The following WDR3 variants were observed in gnomAD, a reference collection of about 807,000 sequenced individuals.
The protein encoded by WDR3 is WD repeat-containing protein 3.
WDR3 carries 81 observed loss-of-function variants against 123.7 expected under a neutral mutation model. The ratio of observed to expected loss-of-function variants is 0.65; its 90% CI spans 0.55 to 0.79. WDR3 has a LOEUF of 0.79. Among genes scored for constraint, WDR3 ranks in the 30% least tolerant of loss-of-function variants. WDR3 has a pLI of 0.00. For missense variants in WDR3, 1,027 were observed against 1,123.2 expected (o/e 0.91, Z 1.22); for synonymous variants, 390 against 388.8 (o/e 1.00, Z -0.04).
Position 117,941,848 on chromosome 1 carries a change from G to T in WDR3, c.989+1G>T. ...TGAAGAAAGCTAGAAAGAAAGCAAAGTATGTTTTCTTAATACTTACATTAA... is the reference window on the plus strand; with the variant it reads ...TGAAGAAAGCTAGAAAGAAAGCAAATTATGTTTTCTTAATACTTACATTAA... On this transcript the variant is annotated splice_donor_variant, in intron 9 of 26. Transcript: ENST00000349139. LOFTEE classifies it high-confidence loss of function. The T allele has an allele frequency of 6.2e-7, 1 of 1,605,010 alleles. No homozygotes were observed. The highest frequency in any genetic ancestry group is 2.2e-5 in the East Asian group (1 of 44,662).
rs1468430537 is a variant in WDR3, at chr1:117,966,506, G to T, written c.*7059G>T. 5 of 1,127,898 alleles carry T rather than the reference G, an allele frequency of 4.4e-6. No individual in the cohort carries two copies. The African/African-American group carries it at 6.3e-5, about 14-fold the overall frequency. 69.9% of individuals were successfully genotyped at this position (1,127,898 alleles called of 1,614,324 possible). ...TAATAAATTTAACTCTGATTTTGAA[G>T]ATAGAATTAATAAAGTAGAGATGCA... On this transcript the variant is annotated 3_prime_UTR_variant, in exon 27 of 27. Coordinates refer to ENST00000349139, the MANE Select transcript of WDR3 (RefSeq NM_006784.3).
At chr1:117,937,499 C>T (rs747365691) in intron 4 of WDR3, among the ~76,000 whole-genome samples, 1 of 152,158 alleles carries the variant, frequency 6.6e-6, no homozygotes, top group Non-Finnish European at 1.5e-5. Context: ...GCACTAAATG[C>T]TTTACCAATG....
Position 117,949,762 on chromosome 1 carries a change from G to T in WDR3, c.1536G>T (p.Val512=). The T allele has an allele frequency of 6.2e-7, 1 of 1,613,604 alleles. No homozygotes were observed. The highest frequency in any genetic ancestry group is 1.1e-5 in the South Asian group (1 of 90,962). ...MSLSPDQRGF[V]TGGADKSVKF... ...CATTTGATTTTCAGCGTGGCTTTGTGACAGGTGGTGCAGATAAATCTGTCA... is the reference window on the plus strand; with the variant it reads ...CATTTGATTTTCAGCGTGGCTTTGTTACAGGTGGTGCAGATAAATCTGTCA... Residue 512 remains valine (V), a synonymous_variant, in exon 14 of 27, where the codon GTG becomes GTT. Coordinates refer to ENST00000349139, the MANE Select transcript of WDR3 (RefSeq NM_006784.3).
At chr1:117,930,725 A>G (rs1209484139) in intron 1 of WDR3, among the ~76,000 whole-genome samples, 1 of 152,232 alleles carries the variant, frequency 6.6e-6, no homozygotes, top group Non-Finnish European at 1.5e-5. Flanking sequence ...TTTCAGAGTA[A>G]CAGTCAGGTG....
chr1:117,942,926 A>G (rs1651227616), intron 10 of WDR3, among the ~76,000 whole-genome samples: 1 of 136,008 alleles, frequency 7.4e-6, no homozygotes, highest in Admixed American at 7.9e-5. Context: ...TTAAAAGCCT[A>G]CTCAGCTACT....
At chr1:117,957,258 A>T in intron 25 of WDR3, 62 bp downstream of exon 25, 2 of 1,543,244 alleles carry the variant, frequency 1.3e-6, no homozygotes, top group Non-Finnish European at 1.7e-6. Flanking sequence ...TAGTACCTTA[A>T]CTGAAGCTGT....
At chr1:117,939,709 A>G in intron 6 of WDR3, 137 bp downstream of exon 6, 1 of 822,916 alleles carries the variant, frequency 1.2e-6, no homozygotes, top group East Asian at 2.8e-5. Context: ...GCAACACTTA[A>G]AAAAGCTTTT....
At position 117,962,817 on chromosome 1, in the gene WDR3, A is replaced by G. The variant is rs1298271865; in HGVS notation, c.*3370A>G. ...AGCAATGGTATCTGTTGGTAGGTACAGGACTGTATATAGGACTCTATTCAC... is the reference window on the plus strand; with the variant it reads ...AGCAATGGTATCTGTTGGTAGGTACGGGACTGTATATAGGACTCTATTCAC... On this transcript the variant is annotated 3_prime_UTR_variant, in exon 27 of 27. Transcript: ENST00000349139. The G allele has an allele frequency of 6.6e-6, 1 of 152,276 alleles. No homozygotes were observed. The highest frequency in any genetic ancestry group is 1.5e-5 in the Non-Finnish European group (1 of 68,072). The allele number at this position is 152,276 out of a possible 1,614,324, so 9.4% of individuals were successfully genotyped here. A position where few individuals can be genotyped will look rare whatever the true frequency, so the allele number is the denominator to read the frequency against.
chr1:117,951,407 CAAA>C (rs768109905), intron 16 of WDR3, among the ~76,000 whole-genome samples: 1 of 84,884 alleles, frequency 1.2e-5, no homozygotes. Flanking sequence ...GACTCCGTCT[CAAA>C]AAAAAAAAAA....
chr1:117,952,932 CTA>C lies in WDR3; in HGVS notation c.2152-12_2152-11del. 6.2e-7 allele frequency: 1 copy of C among 1,612,634 alleles called. No individual in the cohort carries two copies. The highest frequency in any genetic ancestry group is 8.5e-7 in the Non-Finnish European group (1 of 1,179,126). ...TTTTTTCTCTCAAATTAATGTATAT[CTA>C]TCTCATGGCAGGAAAGAGAAGCAGA... On this transcript the variant is annotated splice_polypyrimidine_tract_variant and intron_variant, in intron 19 of 26. Coordinates refer to ENST00000349139, the MANE Select transcript of WDR3 (RefSeq NM_006784.3).
chr1:117,949,105 T>A (rs2101216192), intron 13 of WDR3, among the ~76,000 whole-genome samples: 1 of 152,260 alleles, frequency 6.6e-6, no homozygotes, highest in East Asian at 1.9e-4. Flanking sequence ...AAGTTTAGAG[T>A]GTTTAATACC....
intron 9 of WDR3, 110 bp from the exon 10 acceptor site, chr1:117,942,327 T>C: frequency 1.2e-6 from 1 of 855,732 alleles, no homozygotes; most frequent in Admixed American, 2.3e-5. Flanking sequence ...TAAGTGACTT[T>C]TCCAGAATAA....
intron 8 of WDR3, 147 bp downstream of exon 8, chr1:117,941,372 T>A (rs976316249): frequency 4.2e-6 from 3 of 719,590 alleles, no homozygotes; most frequent in Non-Finnish European, 6.6e-6. Flanking sequence ...AATCTCTAGC[T>A]TTATTAGCAT....
At chr1:117,945,411 A>G (rs1396877929) in intron 11 of WDR3, among the ~76,000 whole-genome samples, 2 of 152,080 alleles carry the variant, frequency 1.3e-5, no homozygotes, top group African/African-American at 2.4e-5. Flanking sequence ...GCCTGAATCC[A>G]TCTTCCCCAT....
intron 3 of WDR3, among the ~76,000 whole-genome samples, chr1:117,936,393 G>A (rs1650946767): frequency 1.3e-5 from 2 of 152,048 alleles, no homozygotes; most frequent in Non-Finnish European, 2.9e-5. Flanking sequence ...TAAATAAGTT[G>A]TGCTATTACT....
In WDR3 at chr1:117,964,091, C is replaced by A; in HGVS notation, c.*4644C>A. The A allele has an allele frequency of 1.3e-6, 1 of 783,082 alleles. No individual in the cohort carries two copies. The highest frequency in any genetic ancestry group is 2.0e-6 in the Non-Finnish European group (1 of 500,126). 48.5% of individuals were successfully genotyped at this position (783,082 alleles called of 1,614,324 possible). ...CCAATGCAAATTCTGCATGCTCAGGCTTGGGGGTTAGAGGATGGATATGCC... is the reference window on the plus strand; with the variant it reads ...CCAATGCAAATTCTGCATGCTCAGGATTGGGGGTTAGAGGATGGATATGCC... On this transcript the variant is annotated 3_prime_UTR_variant, in exon 27 of 27. Transcript: ENST00000349139.
intron 25 of WDR3, among the ~76,000 whole-genome samples, chr1:117,958,374 T>A (rs998594425): frequency 6.6e-6 from 1 of 152,340 alleles, no homozygotes; most frequent in Admixed American, 6.5e-5. Flanking sequence ...GTATACGTGC[T>A]ATTGAATTAG....
chr1:117,956,742 C>G (rs2101278708), intron 24 of WDR3, among the ~76,000 whole-genome samples: 1 of 152,218 alleles, frequency 6.6e-6, no homozygotes, highest in East Asian at 1.9e-4. Context: ...TCATAATAGA[C>G]TCTAATGGAC....
rs866395821 is a variant in WDR3, at chr1:117,955,445, T to C, written c.2453+87T>C. The C allele has an allele frequency of 3.2e-6, 4 of 1,244,314 alleles. No individual in the cohort carries two copies. In the South Asian group the frequency reaches 5.3e-5, roughly 17 times the overall value. 77.1% of individuals were successfully genotyped at this position (1,244,314 alleles called of 1,614,324 possible). ...CTGAACGGGAAATAAATAGAAATTATAATTGATGGTTATCTTATAGGTTTA... is the reference window on the plus strand; with the variant it reads ...CTGAACGGGAAATAAATAGAAATTACAATTGATGGTTATCTTATAGGTTTA... On this transcript the variant is annotated intron_variant, in intron 24 of 26. Transcript: ENST00000349139.
Sources: allele counts gnomAD v4.1 joint callset (sites outside exome capture counted in the v4.1 genomes callset), GRCh38; gene constraint gnomAD v4.1.1; transcripts MANE v1.5; gene names NCBI Gene and HGNC (gene_info 2026-07-23, HGNC 2026-07-21).